The following TNIK variants were observed in gnomAD, a reference collection of about 807,000 sequenced individuals.
TNIK encodes the protein TRAF2 and NCK interacting kinase.
TNIK carries 49 observed loss-of-function variants against 191.3 expected under a neutral mutation model. That is an observed-to-expected ratio of 0.26 (90% CI 0.20 to 0.32). The LOEUF (loss-of-function observed/expected upper bound fraction) is 0.32, where lower values mean the gene tolerates loss of function less well. TNIK is among the 10% of genes least tolerant of loss of function. The pLI, the probability that TNIK is intolerant of heterozygous loss-of-function variation, is 1.00. For missense variants in TNIK, 1,155 were observed against 1,702.3 expected (o/e 0.68, Z 5.66); for synonymous variants, 594 against 600.9 (o/e 0.99, Z 0.17).
chr3:171,267,511 A>C (rs1577302116), intron 2 of TNIK, among the ~76,000 whole-genome samples: 1 of 152,228 alleles, frequency 6.6e-6, no homozygotes. Flanking sequence ...CATGTTCATA[A>C]GCTGAATGTT....
chr3:171,387,707 T>C (rs1718916044), intron 1 of TNIK, among the ~76,000 whole-genome samples: 1 of 152,190 alleles, frequency 6.6e-6, no homozygotes, highest in East Asian at 1.9e-4. Flanking sequence ...CAGTAATCTT[T>C]CTCTCTTGAA....
chr3:171,423,760 T>C (rs1724151119), intron 1 of TNIK, among the ~76,000 whole-genome samples: 2 of 152,178 alleles, frequency 1.3e-5, no homozygotes, highest in African/African-American at 4.8e-5. Flanking sequence ...TAAATGGCGC[T>C]GGGAAAACTG....
At chr3:171,266,058 G>A (rs991326645) in intron 2 of TNIK, among the ~76,000 whole-genome samples, 4 of 152,090 alleles carry the variant, frequency 2.6e-5, no homozygotes, top group Non-Finnish European at 2.9e-5. Flanking sequence ...AATGCGGCAC[G>A]GGCCCAGGAA....
chr3:171,368,436 C>A (rs1233191744), intron 2 of TNIK, among the ~76,000 whole-genome samples: 1 of 152,150 alleles, frequency 6.6e-6, no homozygotes, highest in Non-Finnish European at 1.5e-5. Context: ...TATTTAAAAG[C>A]CTTTGCTGAG....
In TNIK at chr3:171,323,077, T is replaced by G. The variant is rs1303573071; in HGVS notation, c.123+46543A>C. Among the ~76,000 whole-genome samples, 3 of 80,720 alleles carry G rather than the reference T, an allele frequency of 3.7e-5. No individual in the cohort carries two copies. In the East Asian group the frequency reaches 9.1e-4, roughly 24 times the overall value. The allele number at this position is 80,720 out of a possible 152,430, so 53.0% of individuals were successfully genotyped here. A position where few individuals can be genotyped will look rare whatever the true frequency, so the allele number is the denominator to read the frequency against. On this transcript the variant is annotated intron_variant, in intron 2 of 32. Transcript: ENST00000436636. ...ACACAGCCATTCTCATTCCTTTGTG[T>G]ATTGTCTGTGGCAGCTTTTGTGCTA...
At chr3:171,351,092 T>C (rs1420198908) in intron 2 of TNIK, among the ~76,000 whole-genome samples, 1 of 152,186 alleles carries the variant, frequency 6.6e-6, no homozygotes, top group Non-Finnish European at 1.5e-5. Flanking sequence ...CGTTTCACTA[T>C]GTTGCTCAGG....
intron 2 of TNIK, among the ~76,000 whole-genome samples, chr3:171,280,101 C>T (rs1324953363): frequency 3.9e-5 from 6 of 152,174 alleles, no homozygotes; most frequent in Non-Finnish European, 4.4e-5. Context: ...ATCTATGTCT[C>T]GCACGTTCCC....
chr3:171,276,707 A>AG (rs1203428170), intron 2 of TNIK, among the ~76,000 whole-genome samples: 1 of 152,192 alleles, frequency 6.6e-6, no homozygotes, highest in Non-Finnish European at 1.5e-5. Flanking sequence ...TGGAGAGTGC[A>AG]GGGGTGCCAA....
At chr3:171,396,055 C>T (rs940903681) in intron 1 of TNIK, among the ~76,000 whole-genome samples, 4 of 152,040 alleles carry the variant, frequency 2.6e-5, no homozygotes, top group South Asian at 2.1e-4. Flanking sequence ...GACATTTCAT[C>T]GCCTCAAAAA....
intron 1 of TNIK, among the ~76,000 whole-genome samples, chr3:171,445,670 C>T (rs897927810): frequency 4.6e-5 from 7 of 152,058 alleles, no homozygotes; most frequent in Admixed American, 4.6e-4. Flanking sequence ...GGTATACGTG[C>T]GAGGGGACAA....
intron 1 of TNIK, among the ~76,000 whole-genome samples, chr3:171,456,742 G>A (rs34457993): frequency 0.022 from 3,322 of 152,218 alleles, 58 homozygotes; most frequent in Middle Eastern, 0.054. Flanking sequence ...AAGTAGTTTC[G>A]CCATTCTCAA....
chr3:171,188,934 A>G, intron 6 of TNIK, 102 bp from the exon 7 acceptor site: 2 of 1,407,914 alleles, frequency 1.4e-6, no homozygotes, highest in Non-Finnish European at 1.9e-6. Context: ...TAAGTAACAT[A>G]AAGTGTACAA....
intron 1 of TNIK, among the ~76,000 whole-genome samples, chr3:171,396,925 C>T (rs905323730): frequency 6.6e-6 from 1 of 152,154 alleles, no homozygotes; most frequent in African/African-American, 2.4e-5. Flanking sequence ...TGAAGACCTA[C>T]AGAAATATCA....
chr3:171,195,063 G>C (rs1469894775), intron 4 of TNIK, among the ~76,000 whole-genome samples: 1 of 152,160 alleles, frequency 6.6e-6, no homozygotes, highest in Non-Finnish European at 1.5e-5. Flanking sequence ...TATGTTACTG[G>C]TTTGTAAGTG....
In TNIK at chr3:171,313,158, T is replaced by C. The variant is rs572387352; in HGVS notation, c.123+56462A>G. On this transcript the variant is annotated intron_variant, in intron 2 of 32. Coordinates refer to ENST00000436636, the MANE Select transcript of TNIK (RefSeq NM_015028.4). Reference sequence around the variant, plus strand: ...GTTTATAAACTCAAAACCAGGAATATTGCCTCTAAGGATTGCAGCTTGACC... The same window carrying C: ...GTTTATAAACTCAAAACCAGGAATACTGCCTCTAAGGATTGCAGCTTGACC... Among the ~76,000 whole-genome samples, 11 of 152,318 alleles carry C rather than the reference T, an allele frequency of 7.2e-5. No homozygotes were observed. In the East Asian group the frequency reaches 1.7e-3, roughly 24 times the overall value.
intron 1 of TNIK, among the ~76,000 whole-genome samples, chr3:171,402,381 G>A (rs1232041363): frequency 6.6e-6 from 1 of 152,168 alleles, no homozygotes; most frequent in Non-Finnish European, 1.5e-5. Flanking sequence ...AAAGGGTAAG[G>A]AAAAATGTAT....
intron 1 of TNIK, 94 bp downstream of exon 1, chr3:171,459,913 T>C: frequency 7.6e-7 from 1 of 1,311,244 alleles, no homozygotes; most frequent in Admixed American, 2.1e-5. Flanking sequence ...CCCGCTGCTG[T>C]CCCCCTGCCC....
intron 2 of TNIK, among the ~76,000 whole-genome samples, chr3:171,317,199 C>T (rs546525055): frequency 2.6e-5 from 4 of 151,908 alleles, no homozygotes; most frequent in African/African-American, 9.7e-5. Flanking sequence ...AGCAGTTGTT[C>T]CGGGTCAGGC....
chr3:171,060,368 A>C lies in TNIK; in HGVS notation c.*3513T>G, dbSNP rs1159281399. Among the ~76,000 whole-genome samples the C allele has an allele frequency of 1.3e-5, 2 of 152,190 alleles. No homozygotes were observed. The highest frequency in any genetic ancestry group is 2.9e-5 in the Non-Finnish European group (2 of 68,028). ...ACAAGAACAGACAAAAATTGTTAGT[A>C]GGTTTTGACAACCAGGAACTAAGGT... On this transcript the variant is annotated 3_prime_UTR_variant, in exon 33 of 33. Coordinates refer to ENST00000436636, the MANE Select transcript of TNIK (RefSeq NM_015028.4).
Sources: allele counts gnomAD v4.1 joint callset (sites outside exome capture counted in the v4.1 genomes callset), GRCh38; gene constraint gnomAD v4.1.1; transcripts MANE v1.5; gene names NCBI Gene and HGNC (gene_info 2026-07-23, HGNC 2026-07-21).